Variants in NRG1 observed in about 807,000 individuals in gnomAD.
NRG1 encodes the protein pro-neuregulin-1, membrane-bound isoform.
Under a neutral mutation model 63.8 loss-of-function variants are expected in NRG1, and 18 were observed. The observed-to-expected ratio is 0.28, with a 90% CI of 0.19 to 0.42. NRG1 has a LOEUF of 0.42. Ranked by LOEUF, NRG1 falls within the 10% of genes least tolerant of loss-of-function variation. The pLI is 1.00. For missense variants in NRG1, 762 were observed against 814.7 expected (o/e 0.94, Z 0.79); for synonymous variants, 302 against 301.3 (o/e 1.00, Z -0.02).
chr8:31,666,735 T>A (rs541219456), intron 1 of NRG1, among the ~76,000 whole-genome samples: 1 of 152,196 alleles, frequency 6.6e-6, no homozygotes, highest in Non-Finnish European at 1.5e-5. Flanking sequence ...CTAGATGAAA[T>A]TGAATGCTAC....
At chr8:32,420,560 A>G (rs1004735498) in intron 1 of NRG1, among the ~76,000 whole-genome samples, 9 of 150,864 alleles carry the variant, frequency 6.0e-5, no homozygotes, top group Non-Finnish European at 1.3e-4. Flanking sequence ...TTTTCCTACT[A>G]AACATGAGAT....
At chr8:32,261,381 G>GTGTT (rs1850353996) in intron 1 of NRG1, among the ~76,000 whole-genome samples, 2 of 151,904 alleles carry the variant, frequency 1.3e-5, no homozygotes, top group African/African-American at 4.8e-5. Flanking sequence ...GTGTGTGTGT[G>GTGTT]TGTGTGTGCT....
intron 1 of NRG1, among the ~76,000 whole-genome samples, chr8:32,196,098 A>T (rs1165992396): frequency 6.7e-6 from 1 of 150,236 alleles, no homozygotes; most frequent in Non-Finnish European, 1.5e-5. Flanking sequence ...CTGTACAAAT[A>T]ATGTGCAGTA....
chr8:32,618,843 G>A (rs779561756), intron 5 of NRG1, among the ~76,000 whole-genome samples: 2 of 152,144 alleles, frequency 1.3e-5, no homozygotes, highest in African/African-American at 4.8e-5. Context: ...TTATTAGGTT[G>A]ATCAAGGTAA....
At chr8:32,420,657 A>G (rs1292122572) in intron 1 of NRG1, among the ~76,000 whole-genome samples, 1 of 151,956 alleles carries the variant, frequency 6.6e-6, no homozygotes, top group Non-Finnish European at 1.5e-5. Context: ...TGTTTACAAC[A>G]TTTTTGCTCT....
At chr8:32,741,965 T>C in intron 6 of NRG1, 43 bp from the exon 7 acceptor site, 2 of 1,521,786 alleles carry the variant, frequency 1.3e-6, no homozygotes, top group Non-Finnish European at 1.8e-6. Context: ...AAGCTCAGTG[T>C]CTTTAGCATT....
At chr8:32,667,443 T>A (rs1354922947) in intron 5 of NRG1, among the ~76,000 whole-genome samples, 1 of 152,224 alleles carries the variant, frequency 6.6e-6, no homozygotes, top group Non-Finnish European at 1.5e-5. Flanking sequence ...ATTCTAATTA[T>A]GTTTTGTTCA....
At chr8:32,213,532 G>T (rs1844904998) in intron 1 of NRG1, among the ~76,000 whole-genome samples, 1 of 151,922 alleles carries the variant, frequency 6.6e-6, no homozygotes, top group Non-Finnish European at 1.5e-5. Flanking sequence ...GTGATGGGTC[G>T]ATAGGTGCAG....
chr8:31,944,351 A>G (rs1466323871), intron 1 of NRG1, among the ~76,000 whole-genome samples: 1 of 152,210 alleles, frequency 6.6e-6, no homozygotes, highest in East Asian at 1.9e-4. Context: ...GGTCATATGG[A>G]ATACATACTA....
At chr8:31,974,489 G>C (rs1807830471) in intron 1 of NRG1, among the ~76,000 whole-genome samples, 1 of 152,172 alleles carries the variant, frequency 6.6e-6, no homozygotes, top group African/African-American at 2.4e-5. Context: ...TTTGTCAAGA[G>C]TACAACTGCC....
intron 1 of NRG1, among the ~76,000 whole-genome samples, chr8:31,987,526 A>T (rs1810294963): frequency 6.6e-6 from 1 of 151,944 alleles, no homozygotes; most frequent in African/African-American, 2.4e-5. Flanking sequence ...CTCACTTACA[A>T]GTGAGAGCTG....
chr8:31,699,356 G>A (rs1294494137), intron 1 of NRG1, among the ~76,000 whole-genome samples: 1 of 152,026 alleles, frequency 6.6e-6, no homozygotes, highest in African/African-American at 2.4e-5. Flanking sequence ...AATATACCTT[G>A]ATGCAAAGAA....
chr8:31,733,139 C>T (rs1310929925), intron 1 of NRG1, among the ~76,000 whole-genome samples: 2 of 131,536 alleles, frequency 1.5e-5, no homozygotes, highest in Admixed American at 1.6e-4. Context: ...AAAGACATGA[C>T]TTTATTCTGT....
intron 1 of NRG1, among the ~76,000 whole-genome samples, chr8:32,426,038 T>G (rs1817320693): frequency 6.6e-6 from 1 of 152,146 alleles, no homozygotes; most frequent in African/African-American, 2.4e-5. Flanking sequence ...TAAAGGTGAT[T>G]TCTCCAAGTG....
intron 5 of NRG1, among the ~76,000 whole-genome samples, chr8:32,725,464 A>ATTTTTTTTTTTTTTTTTTTTTT (rs71209904): frequency 1.3e-4 from 9 of 67,582 alleles, no homozygotes; most frequent in South Asian, 8.0e-4. Context: ...AAACTTCCTA[A>ATTTTTTTTTTTTTTTTTTTTTT]TTTTTTTTTT....
chr8:32,547,991 G>A (rs978142529), upstream of NRG1, among the ~76,000 whole-genome samples: 1 of 152,130 alleles, frequency 6.6e-6, no homozygotes, highest in Non-Finnish European at 1.5e-5. Flanking sequence ...CGAGAGCCTC[G>A]GGTCTCCGCC....
intron 1 of NRG1, among the ~76,000 whole-genome samples, chr8:32,345,311 G>GT (rs397719387): frequency 1.4e-3 from 5 of 3,634 alleles, no homozygotes; most frequent in Non-Finnish European, 2.6e-3. Context: ...TGGCTCTGTT[G>GT]TCTGGAAGCT....
At chr8:31,864,091 C>T (rs1171028663) in intron 1 of NRG1, among the ~76,000 whole-genome samples, 1 of 151,972 alleles carries the variant, frequency 6.6e-6, no homozygotes, top group Admixed American at 6.6e-5. Context: ...TGTGAAGGAC[C>T]CTTGATGGTA....
chr8:32,766,729 A>G (rs1831460621), exon 12 of NRG1: 1 of 152,198 alleles, frequency 6.6e-6, no homozygotes, highest in South Asian at 2.1e-4. Context: ...AGGAAATTGT[A>G]TTTCTAACTT....
Sources: gnomAD v4.1 joint callset for allele counts (sites outside exome capture counted in the v4.1 genomes callset) on GRCh38, gnomAD v4.1.1 for gene constraint, MANE v1.5 for transcripts, NCBI Gene and HGNC (gene_info 2026-07-23, HGNC 2026-07-21) for gene names.